BBOX1: variants seen among roughly 807,000 people sequenced by gnomAD.
The protein encoded by BBOX1 is gamma-butyrobetaine dioxygenase.
BBOX1 carries 35 observed loss-of-function variants against 41.6 expected under a neutral mutation model. The observed-to-expected ratio is 0.84, with a 90% CI of 0.64 to 1.11. The LOEUF is 1.11. Among genes scored for constraint, BBOX1 ranks in the 50% most tolerant of loss-of-function variants. The probability of loss-of-function intolerance (pLI) is 0.00; values close to 1 mark genes in which losing one functional copy is unlikely to be tolerated. For missense variants in BBOX1, 458 were observed against 460.6 expected (o/e 0.99, Z 0.05); for synonymous variants, 163 against 154.7 (o/e 1.05, Z -0.40).
At position 27,057,207 on chromosome 11, in the gene BBOX1, A is replaced by AT. The variant is rs1857012934; in HGVS notation, c.227dup (p.Thr77HisfsTer5). On this transcript the variant is annotated frameshift_variant, in exon 4 of 9. Transcript: ENST00000263182. LOFTEE classifies it high-confidence loss of function. ...TTGCTTTTTGTGTTATAAGGTGTAC[A>AT]TCACATGGCCCGATGAGCATTACAG... 6 of 1,598,488 alleles carry AT rather than the reference A, an allele frequency of 3.8e-6. No individual in the cohort carries two copies. In the East Asian group the frequency reaches 1.3e-4, roughly 36 times the overall value.
At chr11:27,121,245 C>T (rs1859453687) in intron 7 of BBOX1, among the ~76,000 whole-genome samples, 1 of 151,908 alleles carries the variant, frequency 6.6e-6, no homozygotes, top group Admixed American at 6.6e-5. Flanking sequence ...ATCAAGGAGA[C>T]CAGTGTGACT....
At chr11:27,087,769 G>A (rs1858095336) in intron 4 of BBOX1, among the ~76,000 whole-genome samples, 1 of 152,002 alleles carries the variant, frequency 6.6e-6, no homozygotes, top group African/African-American at 2.4e-5. Context: ...TGGTACACAG[G>A]TTCTAATGGG....
intron 5 of BBOX1, among the ~76,000 whole-genome samples, chr11:27,106,837 A>G (rs1161064144): frequency 6.6e-6 from 1 of 152,204 alleles, no homozygotes; most frequent in Non-Finnish European, 1.5e-5. Context: ...CATGGTTGGA[A>G]GTAAAGCACC....
chr11:27,076,589 G>A (rs141204227), intron 4 of BBOX1, among the ~76,000 whole-genome samples: 10 of 152,290 alleles, frequency 6.6e-5, no homozygotes, highest in East Asian at 1.9e-4. Context: ...TTACCTAGGG[G>A]AGGTATTCTG....
intron 4 of BBOX1, among the ~76,000 whole-genome samples, chr11:27,058,830 CAAAT>C (rs1857060486): frequency 6.6e-6 from 1 of 152,044 alleles, no homozygotes; most frequent in Non-Finnish European, 1.5e-5. Flanking sequence ...CAAGAGCAAA[CAAAT>C]AAGTTGGAAC....
At chr11:27,078,638 C>G (rs7934926) in intron 4 of BBOX1, among the ~76,000 whole-genome samples, 1 of 151,940 alleles carries the variant, frequency 6.6e-6, no homozygotes, top group African/African-American at 2.4e-5. Flanking sequence ...AAGAAGAACA[C>G]GTGGACACAG....
intron 5 of BBOX1, among the ~76,000 whole-genome samples, chr11:27,096,835 T>C (rs1041490396): frequency 3.3e-5 from 5 of 152,030 alleles, no homozygotes; most frequent in Admixed American, 6.6e-5. Flanking sequence ...ATAAATACAA[T>C]AATTATTAGA....
intron 2 of BBOX1, among the ~76,000 whole-genome samples, chr11:27,049,268 T>C (rs1399238315): frequency 2.0e-5 from 3 of 152,170 alleles, no homozygotes; most frequent in Non-Finnish European, 4.4e-5. Flanking sequence ...CAATAGTCAT[T>C]CTAACAGATG....
intron 6 of BBOX1, among the ~76,000 whole-genome samples, chr11:27,117,558 C>A (rs1859311828): frequency 1.3e-5 from 2 of 151,990 alleles, no homozygotes; most frequent in South Asian, 4.1e-4. Flanking sequence ...GCTCTTCTTC[C>A]AAACATAGCT....
At chr11:27,082,824 G>A (rs977106023) in intron 4 of BBOX1, among the ~76,000 whole-genome samples, 1 of 151,934 alleles carries the variant, frequency 6.6e-6, no homozygotes, top group Non-Finnish European at 1.5e-5. Context: ...ATTATTTTAC[G>A]TGTAATTCTT....
In BBOX1 at chr11:27,093,247, C is replaced by G. The variant is rs1456573769; in HGVS notation, c.414C>G (p.Tyr138Ter). 1.3e-5 allele frequency: 21 copies of G among 1,612,494 alleles called. No individual in the cohort carries two copies. The highest frequency in any genetic ancestry group is 1.7e-5 in the Non-Finnish European group (20 of 1,179,012). ...EDVLRYDEHAYKWLSTLKKVG... is the reference protein window; with the variant it reads ...EDVLRYDEHA ...TTTTAAGATATGATGAACACGCATACAAGTGGCTCTCCACCCTCAAGAAAG... is the reference window on the plus strand; with the variant it reads ...TTTTAAGATATGATGAACACGCATAGAAGTGGCTCTCCACCCTCAAGAAAG... The change falls in exon 5 of 9, where the codon TAC (tyrosine) becomes TAG (stop). Residue 138 changes from tyrosine (Y) to a stop codon, truncating the protein, a stop_gained. Coordinates refer to ENST00000263182, the MANE Select transcript of BBOX1 (RefSeq NM_003986.3). LOFTEE classifies it high-confidence loss of function.
At chr11:27,099,329 C>T (rs1858559920) in intron 5 of BBOX1, among the ~76,000 whole-genome samples, 1 of 151,716 alleles carries the variant, frequency 6.6e-6, no homozygotes, top group African/African-American at 2.4e-5. Context: ...ATGAGGGTTA[C>T]ACTGGTAAGA....
At chr11:27,090,921 G>A (rs933312813) in intron 4 of BBOX1, among the ~76,000 whole-genome samples, 1 of 151,898 alleles carries the variant, frequency 6.6e-6, no homozygotes, top group African/African-American at 2.4e-5. Context: ...TCTGCAAGAA[G>A]AAAAACATGG....
At chr11:27,101,918 T>C (rs1406165898) in intron 5 of BBOX1, among the ~76,000 whole-genome samples, 1 of 152,142 alleles carries the variant, frequency 6.6e-6, no homozygotes, top group Non-Finnish European at 1.5e-5. Flanking sequence ...ATTGTCACCA[T>C]GCTGTTCTTT....
rs541408591 is a variant in BBOX1 at position 27,073,074 on chromosome 11, T to C, written c.334+15759T>C. Among the ~76,000 whole-genome samples the C allele has an allele frequency of 5.4e-3, 829 of 152,182 alleles. 5 individuals carry two copies. Among genetic ancestry groups the C allele is most frequent in the South Asian group, 0.015 (70 of 4,818 alleles). ...CCAAAATTGACAAATAGGATCTAATTAAACTAAAGAGCTTCTGCACAGCAA... is the reference window on the plus strand; with the variant it reads ...CCAAAATTGACAAATAGGATCTAATCAAACTAAAGAGCTTCTGCACAGCAA... On this transcript the variant is annotated intron_variant, in intron 4 of 8. Transcript: ENST00000263182.
intron 7 of BBOX1, among the ~76,000 whole-genome samples, chr11:27,124,577 G>A (rs1859579341): frequency 6.6e-6 from 1 of 152,066 alleles, no homozygotes; most frequent in Non-Finnish European, 1.5e-5. Flanking sequence ...GAGTGTCGTG[G>A]TGCGATCTCC....
chr11:27,105,517 A>G (rs994337766), intron 5 of BBOX1, among the ~76,000 whole-genome samples: 53 of 152,184 alleles, frequency 3.5e-4, no homozygotes, highest in African/African-American at 1.2e-3. Flanking sequence ...AATAAATGAA[A>G]TGAAGTGAGA....
chr11:27,061,479 G>T (rs61888308), intron 4 of BBOX1, among the ~76,000 whole-genome samples: 31 of 152,160 alleles, frequency 2.0e-4, no homozygotes, highest in Non-Finnish European at 3.7e-4. Context: ...TTGGAATATT[G>T]GTTCTATGGC....
chr11:27,083,513 T>C (rs1449294687), intron 4 of BBOX1, among the ~76,000 whole-genome samples: 3 of 152,158 alleles, frequency 2.0e-5, no homozygotes, highest in South Asian at 2.1e-4. Context: ...CCTAACACTC[T>C]TCCCCCTGCT....
Sources: allele counts gnomAD v4.1 joint callset (sites outside exome capture counted in the v4.1 genomes callset), GRCh38; gene constraint gnomAD v4.1.1; transcripts MANE v1.5; gene names NCBI Gene and HGNC (gene_info 2026-07-23, HGNC 2026-07-21).